The following ABCA4 variants were observed in gnomAD, a reference collection of about 807,000 sequenced individuals.
ABCA4 encodes ATP binding cassette subfamily A member 4.
In ABCA4, 196 loss-of-function variants were observed where a neutral mutation model predicts 263.7. That is an observed-to-expected ratio of 0.74 (90% CI 0.66 to 0.84). ABCA4 has a LOEUF of 0.84. Among genes scored for constraint, ABCA4 ranks in the 40% least tolerant of loss-of-function variants. The pLI is 0.00. For missense variants in ABCA4, 2,792 were observed against 2,855.1 expected, an observed-to-expected ratio of 0.98 and a Z score of 0.50; for synonymous variants, 1,133 against 1,094.2, an observed-to-expected ratio of 1.04 and a Z score of -0.70.
At chr1:93,997,757 T>C in intron 48 of ABCA4, 104 bp downstream of exon 48, 1 of 1,473,730 alleles carries the variant, frequency 6.8e-7, no homozygotes, top group Non-Finnish European at 9.3e-7. Context: ...AAGAGTTTGT[T>C]AAAAATCGGG....
rs188775667 is a variant in ABCA4, at chr1:94,029,583, G to A, written c.4401C>T (p.Ser1467=). 84 of 1,613,976 alleles carry A rather than the reference G, an allele frequency of 5.2e-5. 1 individual carries two copies. The Admixed American group carries it at 1.1e-3, about 22-fold the overall frequency. ...NSTPWKTPSV[S]PNITQLFQKQ... is the part of the protein sequence containing the mutation. ...TCTGGAACAGCTGGGTGATGTTTGG[G>A]GACACAGAAGGAGTCTTCCAGGGTG... Residue 1467 remains serine (S), a synonymous_variant, in exon 30 of 50, where the codon TCC becomes TCT. Coordinates refer to ENST00000370225, the MANE Select transcript of ABCA4 (RefSeq NM_000350.3).
intron 6 of ABCA4, among the ~76,000 whole-genome samples, chr1:94,093,368 A>G (rs1056024714): frequency 1.3e-5 from 2 of 152,222 alleles, no homozygotes; most frequent in Non-Finnish European, 2.9e-5. Flanking sequence ...CTGTAGTCAG[A>G]TTCTCGAAGG....
intron 36 of ABCA4, among the ~76,000 whole-genome samples, chr1:94,019,218 G>C (rs1354461567): frequency 6.6e-6 from 1 of 151,782 alleles, no homozygotes; most frequent in Non-Finnish European, 1.5e-5. Flanking sequence ...AAGGGGACTT[G>C]GGGTGAAAGA....
chr1:93,998,130 C>A lies in ABCA4; in HGVS notation c.6480-20G>T, dbSNP rs776637204. 6.2e-7 allele frequency: 1 copy of A among 1,614,028 alleles called. No individual in the cohort carries two copies. The highest frequency in any genetic ancestry group is 1.7e-5 in the Admixed American group (1 of 60,024). On this transcript the variant is annotated intron_variant, in intron 47 of 49. Transcript: ENST00000370225. ...CCAAATCTAGGGGATGCACACAGTG[C>A]AGGACAGGCCTCTGTTAGTGGTTGG... is the stretch of plus-strand genomic sequence containing the variant.
At chr1:94,093,215 T>C (rs1406258923) in intron 6 of ABCA4, among the ~76,000 whole-genome samples, 1 of 152,132 alleles carries the variant, frequency 6.6e-6, no homozygotes, top group Non-Finnish European at 1.5e-5. Context: ...TTGAGACCGC[T>C]TACTAAAGAA....
intron 1 of ABCA4, among the ~76,000 whole-genome samples, chr1:94,117,296 C>G (rs1662817442): frequency 6.6e-6 from 1 of 152,104 alleles, no homozygotes; most frequent in South Asian, 2.1e-4. Context: ...GGACAGAATT[C>G]TTAGCCTGGA....
intron 18 of ABCA4, among the ~76,000 whole-genome samples, chr1:94,047,754 T>G (rs955562709): frequency 6.6e-6 from 1 of 152,110 alleles, no homozygotes; most frequent in Admixed American, 6.5e-5. Flanking sequence ...GGTAGGGCAG[T>G]CCACGCTTCC....
chr1:94,084,174 G>A (rs1365251552), intron 6 of ABCA4, among the ~76,000 whole-genome samples: 1 of 152,224 alleles, frequency 6.6e-6, no homozygotes, highest in African/African-American at 2.4e-5. Context: ...GTCATGTCCT[G>A]TTTGACTTCA....
In ABCA4 at chr1:94,047,186, C is replaced by T. The variant is rs905505416; in HGVS notation, c.2744-93G>A. ...CCAGGCCCTTGTATTCTGCCTATAACGTCACCTGCCCCTGTGGCTTCGGCT... is the reference window on the plus strand; with the variant it reads ...CCAGGCCCTTGTATTCTGCCTATAATGTCACCTGCCCCTGTGGCTTCGGCT... On this transcript the variant is annotated intron_variant, in intron 18 of 49. Coordinates refer to ENST00000370225, the MANE Select transcript of ABCA4 (RefSeq NM_000350.3). 102 of 1,389,534 alleles carry T rather than the reference C, an allele frequency of 7.3e-5. 1 individual carries two copies. The Admixed American group carries it at 9.6e-4, about 13-fold the overall frequency. The allele number at this position is 1,389,534 out of a possible 1,614,324, so 86.1% of individuals were successfully genotyped here. A position where few individuals can be genotyped will look rare whatever the true frequency, so the allele number is the denominator to read the frequency against.
chr1:94,085,829 C>T (rs1661812220), intron 6 of ABCA4, among the ~76,000 whole-genome samples: 1 of 152,206 alleles, frequency 6.6e-6, no homozygotes, highest in Non-Finnish European at 1.5e-5. Flanking sequence ...CTATTCCCCC[C>T]CATTCCTTCT....
Position 94,031,856 on chromosome 1 carries a change from C to G in ABCA4, c.4050G>C (p.Leu1350=), listed in dbSNP as rs141004967. Residue 1350 remains leucine (L), a synonymous_variant, in exon 27 of 50, where the codon CTG becomes CTC. Coordinates refer to ENST00000370225, the MANE Select transcript of ABCA4 (RefSeq NM_000350.3). ...GCAGCGCCTGCACATGCTGGAGGACCAGCTGTGTCCCCGTGTTGAGCTGCG... is the reference window on the plus strand; with the variant it reads ...GCAGCGCCTGCACATGCTGGAGGACGAGCTGTGTCCCCGTGTTGAGCTGCG... ...PGPQLNTGTQ[L]VLQHVQALLV... 6.7e-4 allele frequency: 1,074 copies of G among 1,614,150 alleles called. 7 individuals are homozygous for G. The highest frequency in any genetic ancestry group is 5.4e-3 in the South Asian group (496 of 91,074).
Position 94,019,654 on chromosome 1 carries a change from T to C in ABCA4, c.5124A>G (p.Lys1708=). The change falls in exon 36 of 50, where the codon AAA becomes AAG. Residue 1708 remains lysine (K), a synonymous_variant. Transcript: ENST00000370225. The part of the protein sequence containing the change: ...VLYLIQERVN[K]SKHLQFISGV... The stretch of plus-strand genomic sequence containing the variant: ...CACTGATAAACTGGAGGTGCTTGGA[T>C]TTGTTCACCCGCTCCTGGATCAAAT... The C allele has an allele frequency of 1.2e-6, 2 of 1,613,140 alleles. No homozygotes were observed. Among genetic ancestry groups the C allele is most frequent in the South Asian group, 1.1e-5 (1 of 90,752 alleles).
intron 40 of ABCA4, 141 bp from the exon 41 acceptor site, chr1:94,009,012 C>G: frequency 8.1e-7 from 1 of 1,237,982 alleles, no homozygotes; most frequent in South Asian, 1.4e-5. Context: ...CTAAAAAGGG[C>G]TCCCAGCAGG....
chr1:94,040,883 A>G (rs1468484802), intron 23 of ABCA4, among the ~76,000 whole-genome samples: 2 of 152,164 alleles, frequency 1.3e-5, no homozygotes, highest in African/African-American at 4.8e-5. Flanking sequence ...GTTGAAATGA[A>G]GCTCAACCAA....
chr1:94,093,373 C>T (rs1229322648), intron 6 of ABCA4, among the ~76,000 whole-genome samples: 3 of 152,130 alleles, frequency 2.0e-5, no homozygotes, highest in Non-Finnish European at 2.9e-5. Context: ...GTCAGATTCT[C>T]GAAGGTAATC....
intron 4 of ABCA4, among the ~76,000 whole-genome samples, chr1:94,103,811 C>CA (rs1219442259): frequency 2.6e-5 from 4 of 152,288 alleles, no homozygotes; most frequent in African/African-American, 9.6e-5. Context: ...GGAAAAGCTC[C>CA]AGGTAGAAAG....
At chr1:94,108,818 G>A (rs1662513964) in intron 3 of ABCA4, 102 bp from the exon 4 acceptor site, 6 of 1,407,066 alleles carry the variant, frequency 4.3e-6, no homozygotes, top group Non-Finnish European at 5.8e-6. Context: ...TGTCACCCAG[G>A]CTGGAGTGCA....
intron 44 of ABCA4, among the ~76,000 whole-genome samples, chr1:94,003,604 G>T (rs1328845685): frequency 6.6e-6 from 1 of 152,022 alleles, no homozygotes; most frequent in African/African-American, 2.4e-5. Flanking sequence ...TAAGCAATCT[G>T]TACAGAGTTA....
At chr1:93,996,016 C>T in intron 49 of ABCA4, 93 bp downstream of exon 49, 1 of 1,197,632 alleles carries the variant, frequency 8.3e-7, no homozygotes, top group Non-Finnish European at 1.2e-6. Context: ...GGAGGCATAT[C>T]TGAGCCTTGG....
Sources: allele counts gnomAD v4.1 joint callset (sites outside exome capture counted in the v4.1 genomes callset), GRCh38; gene constraint gnomAD v4.1.1; transcripts MANE v1.5; gene names NCBI Gene and HGNC (gene_info 2026-07-23, HGNC 2026-07-21).